DLG2: variants seen among roughly 807,000 people sequenced by gnomAD.
The protein encoded by DLG2 is discs large MAGUK scaffold protein 2, also known as disks large homolog 2.
Under a neutral mutation model 132.5 loss-of-function variants are expected in DLG2, and 45 were observed. The observed-to-expected ratio is 0.34, with a 90% CI of 0.27 to 0.44. The LOEUF (loss-of-function observed/expected upper bound fraction) is 0.44, where lower values mean the gene tolerates loss of function less well. Ranked by LOEUF, DLG2 falls within the 20% of genes least tolerant of loss-of-function variation. The pLI is 1.00. For missense variants in DLG2, 1,045 were observed against 1,196.9 expected (o/e 0.87, Z 1.87); for synonymous variants, 424 against 419.6 (o/e 1.01, Z -0.13).
At chr11:85,025,918 CTATT>C (rs1198175862) in intron 6 of DLG2, among the ~76,000 whole-genome samples, 4 of 151,748 alleles carry the variant, frequency 2.6e-5, no homozygotes, top group African/African-American at 9.7e-5. Flanking sequence ...ACATGATTAT[CTATT>C]TGTTAGTACA....
intron 3 of DLG2, among the ~76,000 whole-genome samples, chr11:85,357,707 TATATATATATA>T (rs2083826799): frequency 7.0e-4 from 2 of 2,866 alleles, no homozygotes; most frequent in African/African-American, 7.1e-3. Flanking sequence ...TTCTGAATTA[TATATATATATA>T]TATATATATA....
intron 7 of DLG2, among the ~76,000 whole-genome samples, chr11:84,520,317 C>G (rs1352230436): frequency 1.3e-5 from 2 of 152,282 alleles, no homozygotes; most frequent in East Asian, 3.9e-4. Flanking sequence ...CCACATCACT[C>G]ATAGCCTTTG....
intron 6 of DLG2, among the ~76,000 whole-genome samples, chr11:85,057,387 T>C (rs943532011): frequency 8.6e-5 from 13 of 151,616 alleles, no homozygotes; most frequent in Admixed American, 7.9e-4. Flanking sequence ...CCAAAGACAA[T>C]ATAAACAACT....
At chr11:84,547,410 A>G (rs1484976245) in intron 6 of DLG2, among the ~76,000 whole-genome samples, 2 of 152,214 alleles carry the variant, frequency 1.3e-5, no homozygotes, top group African/African-American at 4.8e-5. Context: ...ACGCCATCTT[A>G]AATGCTTGAA....
intron 14 of DLG2, among the ~76,000 whole-genome samples, chr11:83,932,704 A>G (rs182494049): frequency 6.8e-6 from 1 of 148,048 alleles, no homozygotes. Flanking sequence ...TGAATAGATA[A>G]TTTTTTTTTT....
chr11:85,322,786 A>G (rs1565322102), intron 3 of DLG2, among the ~76,000 whole-genome samples: 1 of 152,114 alleles, frequency 6.6e-6, no homozygotes, highest in Non-Finnish European at 1.5e-5. Context: ...CCAATCAATT[A>G]TGAAGTCTAT....
chr11:83,641,860 G>GGTGT (rs2066607096), intron 18 of DLG2, among the ~76,000 whole-genome samples: 1 of 68,856 alleles, frequency 1.5e-5, no homozygotes, highest in African/African-American at 6.0e-5. Flanking sequence ...CAAGAGAGAG[G>GGTGT]GAGTGTGTGT....
At chr11:85,256,753 A>G (rs757854237) in intron 4 of DLG2, among the ~76,000 whole-genome samples, 2 of 152,154 alleles carry the variant, frequency 1.3e-5, no homozygotes, top group African/African-American at 2.4e-5. Context: ...TCCCATTTCA[A>G]TTAGAAAGAT....
intron 4 of DLG2, among the ~76,000 whole-genome samples, chr11:85,215,969 G>C (rs1038827757): frequency 2.7e-5 from 4 of 149,872 alleles, no homozygotes; most frequent in Non-Finnish European, 5.9e-5. Context: ...TAGTGAAGAA[G>C]GACAATTAAA....
intron 7 of DLG2, among the ~76,000 whole-genome samples, chr11:84,374,142 A>G (rs1450057463): frequency 6.6e-6 from 1 of 152,106 alleles, no homozygotes; most frequent in Non-Finnish European, 1.5e-5. Context: ...GGGGAAAAGG[A>G]TATCTCTAGG....
At chr11:84,715,972 T>C (rs2061174911) in intron 6 of DLG2, among the ~76,000 whole-genome samples, 1 of 152,134 alleles carries the variant, frequency 6.6e-6, no homozygotes, top group African/African-American at 2.4e-5. Context: ...TTGTAATACA[T>C]TTAGAAACCT....
At chr11:83,509,913 T>G (rs1592137441) in intron 21 of DLG2, among the ~76,000 whole-genome samples, 1 of 152,290 alleles carries the variant, frequency 6.6e-6, no homozygotes, top group East Asian at 1.9e-4. Context: ...AGGCTCACAC[T>G]AGGGGACGGA....
intron 6 of DLG2, among the ~76,000 whole-genome samples, chr11:84,698,750 G>C (rs917526469): frequency 6.6e-6 from 1 of 151,364 alleles, no homozygotes; most frequent in South Asian, 2.1e-4. Context: ...TAAAGATGAA[G>C]ACACAGTTAA....
chr11:83,803,381 G>A (rs117471314), intron 17 of DLG2, among the ~76,000 whole-genome samples: 401 of 152,216 alleles, frequency 2.6e-3, no homozygotes, highest in Non-Finnish European at 4.1e-3. Flanking sequence ...AGGCTCATGT[G>A]TGTTAAATGT....
At chr11:84,898,240 G>A (rs552916344) in intron 6 of DLG2, among the ~76,000 whole-genome samples, 1 of 151,998 alleles carries the variant, frequency 6.6e-6, no homozygotes, top group South Asian at 2.1e-4. Flanking sequence ...CTAATCAGCT[G>A]TAATACTTCA....
chr11:83,760,489 G>C (rs2153751789), intron 18 of DLG2, among the ~76,000 whole-genome samples: 1 of 151,144 alleles, frequency 6.6e-6, no homozygotes, highest in South Asian at 2.1e-4. Context: ...TTTGGAGCTG[G>C]GATTACAGGT....
At chr11:83,741,207 A>T (rs73511011) in intron 18 of DLG2, among the ~76,000 whole-genome samples, 2,765 of 152,274 alleles carry the variant, frequency 0.018, 73 homozygotes, top group African/African-American at 0.056. Flanking sequence ...ATATTGAATG[A>T]CCAAAATCTT....
chr11:84,204,114 T>G (rs1360089868), intron 8 of DLG2, among the ~76,000 whole-genome samples: 5 of 152,034 alleles, frequency 3.3e-5, no homozygotes, highest in Non-Finnish European at 7.4e-5. Context: ...CCCACCACCA[T>G]GCCCGGCTAA....
intron 3 of DLG2, among the ~76,000 whole-genome samples, chr11:85,530,780 T>C (rs1259945431): frequency 6.6e-6 from 1 of 152,240 alleles, no homozygotes; most frequent in Non-Finnish European, 1.5e-5. Flanking sequence ...CCTCAACAGT[T>C]TATTGCCAAG....
Sources: gnomAD v4.1 joint callset for allele counts (sites outside exome capture counted in the v4.1 genomes callset) on GRCh38, gnomAD v4.1.1 for gene constraint, MANE v1.5 for transcripts, NCBI Gene and HGNC (gene_info 2026-07-23, HGNC 2026-07-21) for gene names.